The following ZNF154 variants were observed in gnomAD, a reference collection of about 807,000 sequenced individuals.
ZNF154 encodes the protein zinc finger protein 154.
In ZNF154, 6 loss-of-function variants were observed where a neutral mutation model predicts 7.5. That is an observed-to-expected ratio of 0.80 (90% CI 0.44 to 1.57). The LOEUF (loss-of-function observed/expected upper bound fraction) is 1.57. Ranked by LOEUF, ZNF154 falls within the 40% of genes most tolerant of loss-of-function variation. The pLI, the probability that ZNF154 is intolerant of heterozygous loss-of-function variation, is 0.01. For synonymous variants in ZNF154, 187 were observed against 185.9 expected (o/e 1.01, Z -0.05); for missense variants, 485 against 531.4 (o/e 0.91, Z 0.86).
rs1985183610 is a variant in ZNF154, at chr19:57,702,139, C to T, written c.810G>A (p.Glu270=). 6.2e-7 allele frequency: 1 copy of T among 1,612,990 alleles called. No homozygotes were observed. The highest frequency in any genetic ancestry group is 1.7e-5 in the Admixed American group (1 of 59,894). ...CACATTCACTGCACTCATAAGGCCT[C>T]TCCCCAGTGTGAACTCCCCGATGTT... The part of the protein sequence containing the change: ...LLQHRGVHTG[E]RPYECSECGK... The change falls in exon 3 of 3, where the codon GAG becomes GAA. Residue 270 remains glutamate, a synonymous_variant. Coordinates refer to ENST00000684351, the MANE Select transcript of ZNF154 (RefSeq NM_001085384.3).
chr19:57,701,067 A>G lies in ZNF154; in HGVS notation c.*568T>C, dbSNP rs113573733. The G allele has an allele frequency of 4.7e-3, 735 of 155,114 alleles. 5 individuals are homozygous for G. The highest frequency in any genetic ancestry group is 5.9e-3 in the Non-Finnish European group (415 of 69,888). 9.6% of individuals were successfully genotyped at this position (155,114 alleles called of 1,614,324 possible). On this transcript the variant is annotated 3_prime_UTR_variant, in exon 3 of 3. Coordinates refer to ENST00000684351, the MANE Select transcript of ZNF154 (RefSeq NM_001085384.3). ...CTCTATCAAGAGTCATGTGAGACCAACAATATCCTGAAATATGTAGTCCCT... is the reference window on the plus strand; with the variant it reads ...CTCTATCAAGAGTCATGTGAGACCAGCAATATCCTGAAATATGTAGTCCCT...
Position 57,702,116 on chromosome 19 carries a change from C to T in ZNF154, c.833G>A (p.Cys278Tyr), listed in dbSNP as rs369807909. Reference protein sequence around the residue: ...TGERPYECSECGKFFTYHSSL... With the variant: ...TGERPYECSEYGKFFTYHSSL... The stretch of plus-strand genomic sequence containing the variant: ...GGAATGATATGTAAAAAACTTCCCA[C>T]ATTCACTGCACTCATAAGGCCTCTC... Residue 278 changes from cysteine (C) to tyrosine (Y), a missense_variant, in exon 3 of 3, where the codon TGT becomes TAT. Coordinates refer to ENST00000684351, the MANE Select transcript of ZNF154 (RefSeq NM_001085384.3). 3.7e-5 allele frequency: 60 copies of T among 1,613,284 alleles called. No homozygotes were observed. The highest frequency in any genetic ancestry group is 5.0e-5 in the Non-Finnish European group (59 of 1,179,946).
At chr19:57,703,336 A>G (rs1258796665) in intron 2 of ZNF154, among the ~76,000 whole-genome samples, 1 of 151,908 alleles carries the variant, frequency 6.6e-6, no homozygotes, top group African/African-American at 2.4e-5. Context: ...AAATACAAAA[A>G]TTAGCTGGAC....
At chr19:57,708,756 G>A (rs976986458) in intron 1 of ZNF154, among the ~76,000 whole-genome samples, 183 bp downstream of exon 1, 1 of 152,090 alleles carries the variant, frequency 6.6e-6, no homozygotes, top group African/African-American at 2.4e-5. Context: ...GCACGCGCCG[G>A]TTCCTCCGCC....
rs889004880 is a variant in ZNF154, at chr19:57,706,011, A to T, written c.34-1032T>A. ...AATCTGCTACAAAGTGATAGGCAGAAATTGTGCCTGGTCTCCTTGATTAAA... is the reference window on the plus strand; with the variant it reads ...AATCTGCTACAAAGTGATAGGCAGATATTGTGCCTGGTCTCCTTGATTAAA... On this transcript the variant is annotated intron_variant, in intron 1 of 2. Coordinates refer to ENST00000684351, the MANE Select transcript of ZNF154 (RefSeq NM_001085384.3). 2.0e-5 allele frequency among the ~76,000 whole-genome samples: 3 copies of T among 152,292 alleles called. No homozygotes were observed. In the East Asian group the frequency reaches 5.8e-4, roughly 29 times the overall value.
chr19:57,705,314 C>T (rs563556520), intron 1 of ZNF154, among the ~76,000 whole-genome samples: 4 of 152,308 alleles, frequency 2.6e-5, no homozygotes, highest in Middle Eastern at 6.8e-3. Flanking sequence ...CCCAGGGCTG[C>T]CACCTCACTG....
intron 1 of ZNF154, among the ~76,000 whole-genome samples, chr19:57,707,477 T>C (rs2122417185): frequency 6.6e-6 from 1 of 152,330 alleles, no homozygotes; most frequent in Middle Eastern, 3.4e-3. Flanking sequence ...ACACATCTCC[T>C]AATCAATGAC....
Position 57,699,435 on chromosome 19 carries a change from C to G in ZNF154, c.*2200G>C. On this transcript the variant is annotated 3_prime_UTR_variant, in exon 3 of 3. Coordinates refer to ENST00000684351, the MANE Select transcript of ZNF154 (RefSeq NM_001085384.3). ...ATGGGTCGTAAAGCAGCAGAGACAA[C>G]TCACGATATAAACACATTTGGCCCA... is the stretch of plus-strand genomic sequence containing the variant. 1 of 322,370 alleles carries G rather than the reference C, an allele frequency of 3.1e-6. No individual in the cohort carries two copies. Among genetic ancestry groups the G allele is most frequent in the Non-Finnish European group, 6.4e-6 (1 of 157,160 alleles). The allele number at this position is 322,370 out of a possible 1,614,324, so 20.0% of individuals were successfully genotyped here.
At chr19:57,706,060 G>A (rs1985376503) in intron 1 of ZNF154, among the ~76,000 whole-genome samples, 1 of 152,158 alleles carries the variant, frequency 6.6e-6, no homozygotes, top group African/African-American at 2.4e-5. Context: ...TGGGAGAAGA[G>A]TAGGGAGGGA....
In ZNF154 at chr19:57,701,952, C is replaced by G; in HGVS notation, c.997G>C (p.Glu333Gln). The change falls in exon 3 of 3, where the codon GAA becomes CAA. Residue 333 changes from glutamate (E) to glutamine (Q), a missense_variant. Transcript: ENST00000684351. ...HTGERPYKCS[E>Q]CGKSFSQRSA... ...CTTTGGCTAAAGGATTTCCCACATTCGCTGCACTTATAAGGCCTTTCTCCA... is the reference window on the plus strand; with the variant it reads ...CTTTGGCTAAAGGATTTCCCACATTGGCTGCACTTATAAGGCCTTTCTCCA... 1 of 1,612,638 alleles carries G rather than the reference C, an allele frequency of 6.2e-7. No individual in the cohort carries two copies. Among genetic ancestry groups the G allele is most frequent in the Non-Finnish European group, 8.5e-7 (1 of 1,179,772 alleles).
In ZNF154 at chr19:57,709,029, G is replaced by A. The variant is rs1985520800; in HGVS notation, c.-58C>T. The A allele has an allele frequency of 1.9e-6, 3 of 1,549,180 alleles. No homozygotes were observed. In the East Asian group the frequency reaches 7.3e-5, roughly 38 times the overall value. On this transcript the variant is annotated 5_prime_UTR_variant, in exon 1 of 3. Transcript: ENST00000684351. ...ACGGGCGACATTGGTAGGGACCCGG[G>A]GACAGCGGTCCCTATCCCAGGCCTG... is the stretch of plus-strand genomic sequence containing the variant.
rs1325528164 is a variant in ZNF154 at position 57,704,999 on chromosome 19, T to C, written c.34-20A>G. On this transcript the variant is annotated intron_variant, in intron 1 of 2. Coordinates refer to ENST00000684351, the MANE Select transcript of ZNF154 (RefSeq NM_001085384.3). ...AGTGCCCTGCCACAATGGGAACAGA[T>C]GAAACCACCAAGAGCCCCTATCCCA... 8.1e-6 allele frequency: 13 copies of C among 1,596,398 alleles called. No homozygotes were observed. In the Admixed American group the frequency reaches 1.8e-4, roughly 22 times the overall value.
chr19:57,706,098 C>T (rs1227402944), intron 1 of ZNF154, among the ~76,000 whole-genome samples: 1 of 152,102 alleles, frequency 6.6e-6, no homozygotes, highest in Non-Finnish European at 1.5e-5. Context: ...TTTGATGCCA[C>T]CCTGATTTCA....
rs913078756 is a variant in ZNF154, at chr19:57,709,171, G to A, written c.-200C>T. The A allele has an allele frequency of 7.1e-5, 47 of 659,834 alleles. No individual in the cohort carries two copies. The African/African-American group carries it at 7.6e-4, about 11-fold the overall frequency. 40.9% of individuals were successfully genotyped at this position (659,834 alleles called of 1,614,324 possible). A position where few individuals can be genotyped will look rare whatever the true frequency, so the allele number is the denominator to read the frequency against. On this transcript the variant is annotated 5_prime_UTR_variant, in exon 1 of 3. Transcript: ENST00000684351. ...GGCGCTCTGCTATCTCTGATCCGGT[G>A]AACACACCTCAGAGAAGCTAAAATG...
intron 1 of ZNF154, among the ~76,000 whole-genome samples, chr19:57,707,010 G>A (rs1323594013): frequency 6.6e-6 from 1 of 151,668 alleles, no homozygotes; most frequent in East Asian, 1.9e-4. Flanking sequence ...CTACTCGGGA[G>A]GCTGAGGCAG....
In ZNF154 at chr19:57,696,692, G is replaced by A; in HGVS notation, c.*4943C>T. ...TGGGTGCAGCCTCCAAGTAGGGAAT[G>A]GACAGTTTCAGTGTTGAGGCAGAGT... On this transcript the variant is annotated 3_prime_UTR_variant, in exon 3 of 3. Coordinates refer to ENST00000684351, the MANE Select transcript of ZNF154 (RefSeq NM_001085384.3). Among the ~76,000 whole-genome samples the A allele has an allele frequency of 6.6e-6, 1 of 152,176 alleles. No individual in the cohort carries two copies. The highest frequency in any genetic ancestry group is 1.5e-5 in the Non-Finnish European group (1 of 68,026).
rs559881548 is a variant in ZNF154 at position 57,708,531 on chromosome 19, T to C, written c.33+408A>G. ...GAGGTTGCAGTGACCCGAGATCGCG[T>C]CATTGCACTCCAGCCTGGGCGATAA... On this transcript the variant is annotated intron_variant, in intron 1 of 2. Transcript: ENST00000684351. Among the ~76,000 whole-genome samples the C allele has an allele frequency of 7.2e-5, 11 of 151,964 alleles. No homozygotes were observed. The East Asian group carries it at 2.1e-3, about 30-fold the overall frequency.
At position 57,702,907 on chromosome 19, in the gene ZNF154, A is replaced by G. The variant is rs1600035125; in HGVS notation, c.161-119T>C. ...CTCTCAAGACCAGGCTACACGTCTC[A>G]CAGTGGTGGGCCTTCTAGGGAGAAA... On this transcript the variant is annotated intron_variant, in intron 2 of 2. Coordinates refer to ENST00000684351, the MANE Select transcript of ZNF154 (RefSeq NM_001085384.3). 1.7e-5 allele frequency: 17 copies of G among 983,560 alleles called. No individual in the cohort carries two copies. The East Asian group carries it at 4.4e-4, about 25-fold the overall frequency. 60.9% of individuals were successfully genotyped at this position (983,560 alleles called of 1,614,324 possible).
Position 57,708,573 on chromosome 19 carries a change from C to T in ZNF154, c.33+366G>A, listed in dbSNP as rs1178250211. Among the ~76,000 whole-genome samples the T allele has an allele frequency of 2.0e-5, 3 of 151,744 alleles. No individual in the cohort carries two copies. In the East Asian group the frequency reaches 5.8e-4, roughly 29 times the overall value. ...GGGCGATAAGAGCGAAACTCCGTCT[C>T]AAAGAAAAAAAAACTAACATAAATG... On this transcript the variant is annotated intron_variant, in intron 1 of 2. Transcript: ENST00000684351.
Sources: gnomAD v4.1 joint callset for allele counts (sites outside exome capture counted in the v4.1 genomes callset) on GRCh38, gnomAD v4.1.1 for gene constraint, MANE v1.5 for transcripts, NCBI Gene and HGNC (gene_info 2026-07-23, HGNC 2026-07-21) for gene names.